PRIM2: variants seen among roughly 807,000 people sequenced by gnomAD.
PRIM2 encodes DNA primase subunit 2, also known as DNA primase large subunit.
Under a neutral mutation model 67.3 loss-of-function variants are expected in PRIM2, and 39 were observed. The ratio of observed to expected loss-of-function variants is 0.58; its 90% CI spans 0.45 to 0.76. PRIM2 has a LOEUF of 0.76. Among genes scored for constraint, PRIM2 ranks in the 30% least tolerant of loss-of-function variants. PRIM2 has a pLI of 0.00. For missense variants in PRIM2, 398 were observed against 598.7 expected (o/e 0.66, Z 3.50); for synonymous variants, 143 against 198.7 (o/e 0.72, Z 2.36).
chr6:57,529,924 G>T (rs1774850401), intron 8 of PRIM2, among the ~76,000 whole-genome samples: 1 of 151,996 alleles, frequency 6.6e-6, no homozygotes, highest in African/African-American at 2.4e-5. Flanking sequence ...TGCTGGTGGG[G>T]ACTCTCTGAA....
intron 5 of PRIM2, among the ~76,000 whole-genome samples, chr6:57,331,048 C>T (rs1768042245): frequency 2.0e-5 from 3 of 151,914 alleles, no homozygotes; most frequent in East Asian, 1.9e-4. Flanking sequence ...ATTAGCCAGA[C>T]GTGGTGGTGC....
rs1554345876 is a variant in PRIM2, at chr6:57,490,406, C to T, written c.694-16981C>T. 9.8e-4 allele frequency among the ~76,000 whole-genome samples: 149 copies of T among 152,106 alleles called. No individual in the cohort carries two copies. The East Asian group carries it at 0.026, about 26-fold the overall frequency. ...TGTTTCTAGACCTAGTAGCTCATAG[C>T]TTGTGTTGAATATGATCCCAGAAGC... is the stretch of plus-strand genomic sequence containing the variant. On this transcript the variant is annotated intron_variant, in intron 7 of 13. Transcript: ENST00000615550.
intron 7 of PRIM2, among the ~76,000 whole-genome samples, chr6:57,400,269 T>C (rs1378558072): frequency 6.6e-6 from 1 of 152,224 alleles, no homozygotes; most frequent in African/African-American, 2.4e-5. Context: ...ATAATGCTCC[T>C]TTCAAGATCT....
intron 5 of PRIM2, chr6:57,326,269 G>A: frequency 2.5e-6 from 1 of 402,282 alleles, no homozygotes. Flanking sequence ...TCTGTTAAAT[G>A]TGTGCTTTAT....
rs1300648624 is a variant in PRIM2, at chr6:57,616,613, T to C, written c.1230+10156T>C. Among the ~76,000 whole-genome samples the C allele has an allele frequency of 2.9e-4, 44 of 152,162 alleles. No homozygotes were observed. The South Asian group carries it at 9.1e-3, about 32-fold the overall frequency. On this transcript the variant is annotated intron_variant, in intron 12 of 13. Transcript: ENST00000615550. The stretch of plus-strand genomic sequence containing the variant: ...TAATTCAGAAAATGTAAATTATATA[T>C]GGTAACAGATTTTCAAAAGATCTGA...
chr6:57,335,918 G>C (rs543807495), intron 5 of PRIM2, among the ~76,000 whole-genome samples: 1 of 151,994 alleles, frequency 6.6e-6, no homozygotes, highest in East Asian at 1.9e-4. Context: ...TCCGAGCTAC[G>C]GGAGGACATT....
chr6:57,346,597 C>T (rs1274551643), intron 5 of PRIM2, among the ~76,000 whole-genome samples: 1 of 152,218 alleles, frequency 6.6e-6, no homozygotes, highest in East Asian at 1.9e-4. Context: ...GGATTACAGG[C>T]GTGAGTCACC....
chr6:57,629,175 G>T (rs1458675458), intron 12 of PRIM2, among the ~76,000 whole-genome samples: 1 of 152,156 alleles, frequency 6.6e-6, no homozygotes, highest in East Asian at 1.9e-4. Context: ...AAGTGCAGAA[G>T]AAGTCTCAGG....
intron 10 of PRIM2, among the ~76,000 whole-genome samples, chr6:57,550,218 A>T (rs2127474649): frequency 6.6e-6 from 1 of 152,268 alleles, no homozygotes; most frequent in South Asian, 2.1e-4. Flanking sequence ...TTGAAGCTTT[A>T]TTGCAGTGAA....
At chr6:57,424,293 A>C (rs1432984727) in intron 7 of PRIM2, among the ~76,000 whole-genome samples, 1 of 152,202 alleles carries the variant, frequency 6.6e-6, no homozygotes, top group African/African-American at 2.4e-5. Context: ...CTTTATTAAC[A>C]AAAAGATAGT....
intron 13 of PRIM2, among the ~76,000 whole-genome samples, chr6:57,640,763 T>C (rs1300645786): frequency 1.3e-5 from 2 of 152,166 alleles, no homozygotes; most frequent in Non-Finnish European, 2.9e-5. Context: ...TCCATGCTCA[T>C]GGATAGGAAG....
chr6:57,236,846 T>C, the PRIM2 span, among the ~76,000 whole-genome samples: 87 of 152,332 alleles, frequency 5.7e-4, no homozygotes, highest in African/African-American at 2.0e-3. Flanking sequence ...TCCAAGTCTT[T>C]GCTATTGTGA....
chr6:57,268,694 A>G, the PRIM2 span, among the ~76,000 whole-genome samples: 15 of 151,976 alleles, frequency 9.9e-5, no homozygotes, highest in Non-Finnish European at 1.8e-4. Context: ...CAGGTTTGTT[A>G]CATATGTATA....
intron 7 of PRIM2, among the ~76,000 whole-genome samples, chr6:57,452,233 G>A (rs1189780006): frequency 2.4e-4 from 37 of 152,110 alleles, no homozygotes; most frequent in African/African-American, 5.8e-4. Context: ...GAATAGTGCC[G>A]CAATAAACAT....
At chr6:57,360,570 G>A (rs1432395136) in intron 5 of PRIM2, among the ~76,000 whole-genome samples, 3 of 152,202 alleles carry the variant, frequency 2.0e-5, no homozygotes, top group Non-Finnish European at 4.4e-5. Context: ...CAGATTTGCT[G>A]CTATTATGAC....
At chr6:57,618,657 C>T (rs1268330624) in intron 12 of PRIM2, among the ~76,000 whole-genome samples, 2 of 152,116 alleles carry the variant, frequency 1.3e-5, no homozygotes, top group Non-Finnish European at 2.9e-5. Flanking sequence ...TGCTGGCTTT[C>T]CCCCACTTCT....
intron 5 of PRIM2, among the ~76,000 whole-genome samples, chr6:57,334,710 A>G (rs1768164602): frequency 6.6e-6 from 1 of 152,182 alleles, no homozygotes; most frequent in Non-Finnish European, 1.5e-5. Context: ...AGTGAGGTTT[A>G]AATGAGGTAG....
chr6:57,308,114 A>G, the PRIM2 span, among the ~76,000 whole-genome samples: 2 of 148,686 alleles, frequency 1.3e-5, no homozygotes, highest in African/African-American at 2.5e-5. Flanking sequence ...TTATTTATCT[A>G]TTTCTTTTTC....
chr6:57,597,081 A>G (rs1172425750), intron 10 of PRIM2, among the ~76,000 whole-genome samples: 1 of 151,792 alleles, frequency 6.6e-6, no homozygotes, highest in East Asian at 2.0e-4. Flanking sequence ...CTGAGTAGGC[A>G]TGCTACGATG....
Sources: gnomAD v4.1 joint callset for allele counts (sites outside exome capture counted in the v4.1 genomes callset) on GRCh38, gnomAD v4.1.1 for gene constraint, MANE v1.5 for transcripts, NCBI Gene and HGNC (gene_info 2026-07-23, HGNC 2026-07-21) for gene names.